The following SOD2 variants were observed in gnomAD, a reference collection of about 807,000 sequenced individuals.
SOD2 encodes superoxide dismutase [Mn], mitochondrial.
Under a neutral mutation model 27.0 loss-of-function variants are expected in SOD2, and 11 were observed. That is an observed-to-expected ratio of 0.41 (90% CI 0.26 to 0.67). The LOEUF (loss-of-function observed/expected upper bound fraction) is 0.67. SOD2 is among the 30% of genes least tolerant of loss of function. SOD2 has a pLI of 0.34. For synonymous variants in SOD2, 105 were observed against 103.0 expected (o/e 1.02, Z -0.12); for missense variants, 250 against 274.5 (o/e 0.91, Z 0.63).
At chr6:159,713,429 C>T in intron 1 of SOD2, 2 of 650,418 alleles carry the variant, frequency 3.1e-6, no homozygotes, top group Non-Finnish European at 5.6e-6. Context: ...GTATGAACTT[C>T]AGCTTGGCTA....
chr6:159,756,459 T>A (rs1487622532), intron 1 of SOD2: 1 of 152,214 alleles, frequency 6.6e-6, no homozygotes, highest in Non-Finnish European at 1.5e-5. Context: ...GCACACAATT[T>A]TTAATTTATG....
Position 159,752,172 on chromosome 6 carries a change from G to A in SOD2, c.-335-3496C>T, listed in dbSNP as rs141803330. Among the ~76,000 whole-genome samples, 910 of 152,194 alleles carry A rather than the reference G, an allele frequency of 6.0e-3. 9 individuals are homozygous for A. Among genetic ancestry groups the A allele is most frequent in the African/African-American group, 0.021 (881 of 41,512 alleles). ...TAAACTTATAAGGCATACTGAAGTA[G>A]TGTATCAGGCAAGTGAAAGCCTCAC... On this transcript the variant is annotated intron_variant, in intron 1 of 7. Transcript: ENST00000546087.
upstream of SOD2, chr6:159,749,222 T>C (rs1398225189): frequency 1.0e-6 from 1 of 985,722 alleles, no homozygotes; most frequent in Admixed American, 6.2e-5. Flanking sequence ...ATTTCACAAC[T>C]AGATTGTATA....
Position 159,669,807 on chromosome 6 carries a change from T to C in SOD2, c.*12686A>G, listed in dbSNP as rs1779616691. 6.6e-6 allele frequency: 1 copy of C among 152,232 alleles called. No individual in the cohort carries two copies. Among genetic ancestry groups the C allele is most frequent in the African/African-American group, 2.4e-5 (1 of 41,458 alleles). 9.4% of individuals were successfully genotyped at this position (152,232 alleles called of 1,614,324 possible). A position where few individuals can be genotyped will look rare whatever the true frequency, so the allele number is the denominator to read the frequency against. On this transcript the variant is annotated 3_prime_UTR_variant, in exon 5 of 5. Coordinates refer to ENST00000538183, the MANE Select transcript of SOD2 (RefSeq NM_000636.4). ...TTTTGGCTTCCATTTGTATGCAATA[T>C]CTTTCTCCATACCTTCACTTTTGGC...
rs1237048364 is a variant in SOD2, at chr6:159,754,436, A to G, written c.-335-5760T>C. Among the ~76,000 whole-genome samples, 3 of 152,224 alleles carry G rather than the reference A, an allele frequency of 2.0e-5. No homozygotes were observed. In the East Asian group the frequency reaches 5.8e-4, roughly 29 times the overall value. On this transcript the variant is annotated intron_variant, in intron 1 of 7. Coordinates refer to the SOD2 transcript ENST00000546087. ...TAAGGGGATTGGCCATAGTGGGCCCATAGGTAAACGTGAGTCAAACTTTGG... is the reference window on the plus strand; with the variant it reads ...TAAGGGGATTGGCCATAGTGGGCCCGTAGGTAAACGTGAGTCAAACTTTGG...
exon 1 of SOD2, chr6:159,761,892 C>T (rs966017611): frequency 2.2e-5 from 8 of 364,908 alleles, no homozygotes; most frequent in African/African-American, 1.5e-4. Flanking sequence ...GCCCCGCGCC[C>T]CGCGCGCCTC....
At chr6:159,704,495 G>A (rs1042331475) in intron 1 of SOD2, among the ~76,000 whole-genome samples, 1 of 152,262 alleles carries the variant, frequency 6.6e-6, no homozygotes, top group South Asian at 2.1e-4. Flanking sequence ...GCCTGGCTCA[G>A]AGGGTGCCAC....
At chr6:159,759,679 A>AC (rs1374290202) in intron 1 of SOD2, among the ~76,000 whole-genome samples, 1 of 152,004 alleles carries the variant, frequency 6.6e-6, no homozygotes, top group Non-Finnish European at 1.5e-5. Context: ...AAAAAAAAAA[A>AC]AAAAATTCCT....
rs1562411318 is a variant in SOD2 at position 159,677,026 on chromosome 6, G to A, written c.*5467C>T. On this transcript the variant is annotated 3_prime_UTR_variant, in exon 5 of 5. Coordinates refer to ENST00000538183, the MANE Select transcript of SOD2 (RefSeq NM_000636.4). ...GTGGATATGCTGTGTTAACTTCTGA[G>A]CCTTGGGGATACCCATATTTACAAT... is the stretch of plus-strand genomic sequence containing the variant. 1 of 152,218 alleles carries A rather than the reference G, an allele frequency of 6.6e-6. No individual in the cohort carries two copies. The allele number at this position is 152,218 out of a possible 1,614,324, so 9.4% of individuals were successfully genotyped here. A position where few individuals can be genotyped will look rare whatever the true frequency, so the allele number is the denominator to read the frequency against.
chr6:159,720,756 G>A (rs934805833), intron 1 of SOD2, among the ~76,000 whole-genome samples: 1 of 150,976 alleles, frequency 6.6e-6, no homozygotes, highest in African/African-American at 2.4e-5. Flanking sequence ...GTAAACTGGA[G>A]GTTGTCCCAC....
chr6:159,684,738 T>G, intron 4 of SOD2, 116 bp downstream of exon 4: 1 of 769,450 alleles, frequency 1.3e-6, no homozygotes, highest in South Asian at 2.6e-5. Context: ...GTGTTATCTG[T>G]TAAGATTTGC....
chr6:159,726,535 T>TA (rs1343730424), intron 1 of SOD2: 3 of 339,924 alleles, frequency 8.8e-6, no homozygotes, highest in Non-Finnish European at 1.7e-5. Context: ...AGTAAGTGTT[T>TA]AGAGACTGTT....
chr6:159,720,847 CTTTTTTTTTT>C (rs763455003), intron 1 of SOD2, among the ~76,000 whole-genome samples: 12 of 59,962 alleles, frequency 2.0e-4, no homozygotes, highest in East Asian at 1.0e-3. Context: ...TTTTCTTTAC[CTTTTTTTTTT>C]TTTTTTTTTT....
chr6:159,755,357 T>C, intron 1 of SOD2: 1 of 1,614,152 alleles, frequency 6.2e-7, no homozygotes, highest in Admixed American at 1.7e-5. Flanking sequence ...TGGTAATAAG[T>C]CCTCCAACAG....
At chr6:159,717,964 ATTT>A (rs370806356) in intron 1 of SOD2, among the ~76,000 whole-genome samples, 1 of 149,034 alleles carries the variant, frequency 6.7e-6, no homozygotes, top group Non-Finnish European at 1.5e-5. Context: ...CACATACACA[ATTT>A]TTTTTTCTTT....
upstream of SOD2, among the ~76,000 whole-genome samples, chr6:159,749,950 A>G (rs775956210): frequency 6.6e-6 from 1 of 152,184 alleles, no homozygotes; most frequent in Non-Finnish European, 1.5e-5. Context: ...GCTTGTCCCA[A>G]CGTTTAAGTG....
At chr6:159,723,798 G>C (rs892763915) in intron 1 of SOD2, among the ~76,000 whole-genome samples, 2 of 152,098 alleles carry the variant, frequency 1.3e-5, no homozygotes, top group African/African-American at 4.8e-5. Context: ...AGGGTCTGTT[G>C]CCCAAGCTGT....
chr6:159,726,882 C>G (rs1432117980), intron 1 of SOD2: 3 of 1,289,218 alleles, frequency 2.3e-6, no homozygotes, highest in South Asian at 1.2e-5. Context: ...TAAACGCCCG[C>G]GGCTCGCCGC....
At position 159,669,912 on chromosome 6, in the gene SOD2, A is replaced by G. The variant is rs977011701; in HGVS notation, c.*12581T>C. The G allele has an allele frequency of 2.6e-5, 4 of 152,184 alleles. No homozygotes were observed. The highest frequency in any genetic ancestry group is 4.4e-5 in the Non-Finnish European group (3 of 68,020). The allele number at this position is 152,184 out of a possible 1,614,324, so 9.4% of individuals were successfully genotyped here. Reference sequence around the variant, plus strand: ...GGTTTTTAATCCATTCAGTCAATCTATATCTTTTAAGTGGGAGAATTTAAT... The same window carrying G: ...GGTTTTTAATCCATTCAGTCAATCTGTATCTTTTAAGTGGGAGAATTTAAT... On this transcript the variant is annotated 3_prime_UTR_variant, in exon 5 of 5. Coordinates refer to ENST00000538183, the MANE Select transcript of SOD2 (RefSeq NM_000636.4).
Sources: allele counts gnomAD v4.1 joint callset (sites outside exome capture counted in the v4.1 genomes callset), GRCh38; gene constraint gnomAD v4.1.1; transcripts MANE v1.5; gene names NCBI Gene and HGNC (gene_info 2026-07-23, HGNC 2026-07-21).